TTLL11: variants seen among roughly 807,000 people sequenced by gnomAD.
TTLL11 encodes tubulin tyrosine ligase like 11.
Under a neutral mutation model 51.7 loss-of-function variants are expected in TTLL11, and 42 were observed. The ratio of observed to expected loss-of-function variants is 0.81; its 90% CI spans 0.64 to 1.05. The LOEUF is 1.05. Among genes scored for constraint, TTLL11 ranks in the 50% least tolerant of loss-of-function variants. TTLL11 has a pLI of 0.00. For synonymous variants in TTLL11, 381 were observed against 383.5 expected, an observed-to-expected ratio of 0.99 and a Z score of 0.08; for missense variants, 799 against 940.4, an observed-to-expected ratio of 0.85 and a Z score of 1.97.
intron 8 of TTLL11, among the ~76,000 whole-genome samples, chr9:121,835,689 A>C (rs1254883848): frequency 6.6e-6 from 1 of 152,238 alleles, no homozygotes; most frequent in Non-Finnish European, 1.5e-5. Flanking sequence ...TCATTTCATT[A>C]ATCACAGGTC....
intron 6 of TTLL11, among the ~76,000 whole-genome samples, chr9:121,874,858 GCGA>G (rs1185092788): frequency 1.3e-5 from 2 of 151,706 alleles, no homozygotes; most frequent in East Asian, 3.9e-4. Flanking sequence ...CCGGGTTCAA[GCGA>G]ATCTCTTGTC....
chr9:121,878,090 C>T (rs1838635914), intron 6 of TTLL11, among the ~76,000 whole-genome samples: 1 of 152,208 alleles, frequency 6.6e-6, no homozygotes, highest in Admixed American at 6.5e-5. Flanking sequence ...GCTTTCCACG[C>T]CATCATGCTC....
intron 1 of TTLL11, among the ~76,000 whole-genome samples, chr9:122,041,449 A>G (rs770034963): frequency 6.6e-6 from 1 of 152,262 alleles, no homozygotes; most frequent in Non-Finnish European, 1.5e-5. Context: ...AGAAAGATAT[A>G]GAAGGTGTCC....
chr9:121,905,104 C>T (rs1564298267), intron 6 of TTLL11, among the ~76,000 whole-genome samples: 2 of 152,224 alleles, frequency 1.3e-5, no homozygotes, highest in Non-Finnish European at 1.5e-5. Context: ...ATCCAAGTTG[C>T]GGGGGTTCTC....
intron 1 of TTLL11, among the ~76,000 whole-genome samples, chr9:122,061,934 C>A (rs147458980): frequency 3.3e-4 from 50 of 152,282 alleles, no homozygotes; most frequent in Non-Finnish European, 5.9e-4. Context: ...CTGCACCCAG[C>A]CGAATTATCT....
At chr9:122,070,080 A>G (rs1036126692) in intron 1 of TTLL11, among the ~76,000 whole-genome samples, 6 of 152,092 alleles carry the variant, frequency 3.9e-5, no homozygotes, top group Middle Eastern at 3.2e-3. Flanking sequence ...AGTGAGAGAC[A>G]CGGCTCTTAA....
At chr9:122,018,387 C>CA (rs1164159731) in intron 3 of TTLL11, among the ~76,000 whole-genome samples, 1 of 152,178 alleles carries the variant, frequency 6.6e-6, no homozygotes, top group Non-Finnish European at 1.5e-5. Context: ...GCTGGGATTA[C>CA]AGGCATGAGC....
chr9:121,895,715 CTGTG>C (rs139594729), intron 6 of TTLL11, among the ~76,000 whole-genome samples: 3 of 898 alleles, frequency 3.3e-3, no homozygotes, highest in African/African-American at 4.1e-3. Flanking sequence ...GTTTGTGTGA[CTGTG>C]TGTGATTGTA....
At chr9:122,084,827 G>A (rs1311977647) in intron 1 of TTLL11, among the ~76,000 whole-genome samples, 1 of 152,192 alleles carries the variant, frequency 6.6e-6, no homozygotes, top group Non-Finnish European at 1.5e-5. Context: ...CAGAAAATTT[G>A]TATCTTTTCC....
At position 121,822,641 on chromosome 9, in the gene TTLL11, T is replaced by TG. The variant is rs750086288; in HGVS notation, c.2078dup (p.Pro694ThrfsTer8). The TG allele has an allele frequency of 1.3e-5, 19 of 1,456,336 alleles. No homozygotes were observed. The African/African-American group carries it at 2.5e-4, about 19-fold the overall frequency. 90.2% of individuals were successfully genotyped at this position (1,456,336 alleles called of 1,614,324 possible). A position where few individuals can be genotyped will look rare whatever the true frequency, so the allele number is the denominator to read the frequency against. On this transcript the variant is annotated frameshift_variant, in exon 9 of 9. Coordinates refer to ENST00000321582, the MANE Select transcript of TTLL11 (RefSeq NM_001139442.2). LOFTEE classifies it low-confidence loss of function (END_TRUNC). The surrounding 1 kb of genome is among the most constrained non-coding windows in gnomAD (Gnocchi z 5.8). ...GCTTATTGGCACAGCTGGTGCGGGG[T>TG]GGGGGGTTGTCCCCTGCTGGCTGGG...
At position 122,043,072 on chromosome 9, in the gene TTLL11, G is replaced by A. The variant is rs192332632; in HGVS notation, c.463-3704C>T. 1.4e-4 allele frequency among the ~76,000 whole-genome samples: 22 copies of A among 152,220 alleles called. No homozygotes were observed. The East Asian group carries it at 3.7e-3, about 25-fold the overall frequency. ...AATAGCACCAAGAGTGAAGAGTAAT[G>A]TAAACTATGGACTTTGGGTGATGAT... On this transcript the variant is annotated intron_variant, in intron 1 of 8. Transcript: ENST00000321582.
At chr9:122,051,611 GTCTCTCTTCTC>G (rs1845160494) in intron 1 of TTLL11, among the ~76,000 whole-genome samples, 1 of 152,062 alleles carries the variant, frequency 6.6e-6, no homozygotes, top group African/African-American at 2.4e-5. Flanking sequence ...GAGTCTGTCT[GTCTCTCTTCTC>G]TCTCTCTTTC....
chr9:121,860,675 C>G (rs1451902342), intron 7 of TTLL11, among the ~76,000 whole-genome samples: 1 of 152,192 alleles, frequency 6.6e-6, no homozygotes, highest in Non-Finnish European at 1.5e-5. Flanking sequence ...CACTAGAGAG[C>G]CTGCCTCCTC....
At chr9:122,080,862 A>G (rs1410739435) in intron 1 of TTLL11, among the ~76,000 whole-genome samples, 1 of 141,496 alleles carries the variant, frequency 7.1e-6, no homozygotes, top group East Asian at 2.1e-4. Context: ...GACATTAACA[A>G]AAAGTTGTAT....
chr9:122,008,803 C>T (rs1261947948), intron 3 of TTLL11, among the ~76,000 whole-genome samples: 3 of 152,174 alleles, frequency 2.0e-5, no homozygotes, highest in Non-Finnish European at 2.9e-5. Flanking sequence ...CTGTGTCCGT[C>T]GCGGGTGAAT....
intron 1 of TTLL11, among the ~76,000 whole-genome samples, chr9:122,075,302 C>T (rs1339069612): frequency 2.0e-5 from 3 of 152,184 alleles, no homozygotes; most frequent in Admixed American, 1.3e-4. Context: ...AGTGATCACC[C>T]GTGCCTTGCA....
intron 1 of TTLL11, among the ~76,000 whole-genome samples, chr9:122,050,948 G>C (rs1333713869): frequency 1.3e-5 from 2 of 152,126 alleles, no homozygotes; most frequent in Non-Finnish European, 2.9e-5. Context: ...GTCACACTCA[G>C]ATTCCTAACC....
chr9:122,039,611 C>T (rs1844788014), intron 1 of TTLL11, among the ~76,000 whole-genome samples: 1 of 152,172 alleles, frequency 6.6e-6, no homozygotes, highest in South Asian at 2.1e-4. Context: ...ACACTCCTGG[C>T]TTTGCAGGCA....
intron 6 of TTLL11, among the ~76,000 whole-genome samples, chr9:121,947,345 G>GA (rs1162384532): frequency 6.6e-6 from 1 of 152,040 alleles, no homozygotes. Flanking sequence ...CAAGAAAAAA[G>GA]AAAAAATATC....
Sources: allele counts gnomAD v4.1 joint callset (sites outside exome capture counted in the v4.1 genomes callset), GRCh38; gene constraint gnomAD v4.1.1; non-coding constraint Gnocchi (gnomAD v3.1); transcripts MANE v1.5; gene names NCBI Gene and HGNC (gene_info 2026-07-23, HGNC 2026-07-21).